Variants in ACVR1 observed in about 807,000 individuals in gnomAD.
The protein encoded by ACVR1 is activin receptor type-1.
A neutral mutation model predicts 57.1 loss-of-function variants in ACVR1; 38 were observed. The ratio of observed to expected loss-of-function variants is 0.67; its 90% CI spans 0.51 to 0.87. The LOEUF (loss-of-function observed/expected upper bound fraction) is 0.87, where lower values mean the gene tolerates loss of function less well. Ranked by LOEUF, ACVR1 falls within the 40% of genes least tolerant of loss-of-function variation. The pLI, the probability that ACVR1 is intolerant of heterozygous loss-of-function variation, is 0.00. For missense variants in ACVR1, 463 were observed against 638.2 expected, an observed-to-expected ratio of 0.73 and a Z score of 2.96; for synonymous variants, 212 against 228.1, an observed-to-expected ratio of 0.93 and a Z score of 0.63.
At chr2:157,756,052 A>C (rs1021303596) in intron 9 of ACVR1, among the ~76,000 whole-genome samples, 4 of 152,104 alleles carry the variant, frequency 2.6e-5, no homozygotes, top group African/African-American at 9.7e-5. Context: ...GCAAAAAAAA[A>C]CATAAAGTGG....
chr2:157,847,280 C>T (rs554216385), intron 1 of ACVR1, among the ~76,000 whole-genome samples: 1 of 152,286 alleles, frequency 6.6e-6, no homozygotes, highest in Admixed American at 6.5e-5. Flanking sequence ...GGGTGTGACT[C>T]CCTAAACTGA....
At chr2:157,800,424 T>C (rs1687282239) in intron 2 of ACVR1, among the ~76,000 whole-genome samples, 1 of 152,126 alleles carries the variant, frequency 6.6e-6, no homozygotes, top group African/African-American at 2.4e-5. Context: ...GCCCAGGAGT[T>C]TGAGACCAGC....
At chr2:157,822,480 G>A (rs1275821304) in intron 1 of ACVR1, among the ~76,000 whole-genome samples, 2 of 152,094 alleles carry the variant, frequency 1.3e-5, no homozygotes, top group Non-Finnish European at 2.9e-5. Flanking sequence ...ATGAGAAATG[G>A]GAATTTCCAG....
chr2:157,749,947 C>T (rs1341540782), intron 9 of ACVR1, among the ~76,000 whole-genome samples: 1 of 152,256 alleles, frequency 6.6e-6, no homozygotes, highest in Admixed American at 6.5e-5. Context: ...TGTGCATCAT[C>T]TGGGTGCCTA....
chr2:157,768,002 G>A (rs1213649492), intron 7 of ACVR1, among the ~76,000 whole-genome samples: 1 of 152,184 alleles, frequency 6.6e-6, no homozygotes, highest in Non-Finnish European at 1.5e-5. Flanking sequence ...CTGTAGGTCT[G>A]ATTCTAGAAC....
chr2:157,814,946 G>C (rs370872647), intron 2 of ACVR1, among the ~76,000 whole-genome samples: 1 of 152,076 alleles, frequency 6.6e-6, no homozygotes, highest in African/African-American at 2.4e-5. Context: ...TTAGCAGGGC[G>C]TGGTGGCGGG....
intron 1 of ACVR1, chr2:157,874,997 AG>A (rs1256817010): frequency 1.0e-3 from 85 of 82,372 alleles, no homozygotes; most frequent in African/African-American, 3.6e-3. Flanking sequence ...TCCAGGGGAA[AG>A]GAGGGGTGGG....
chr2:157,830,566 T>A (rs1284932537), intron 1 of ACVR1, among the ~76,000 whole-genome samples: 1 of 152,186 alleles, frequency 6.6e-6, no homozygotes, highest in African/African-American at 2.4e-5. Context: ...GAAAACAAAG[T>A]ATTCCCTACT....
chr2:157,864,719 T>C (rs1032322959), intron 1 of ACVR1, among the ~76,000 whole-genome samples: 3 of 152,196 alleles, frequency 2.0e-5, no homozygotes, highest in Non-Finnish European at 4.4e-5. Flanking sequence ...AAAAGATCAG[T>C]TCAAAAGATC....
chr2:157,777,350 T>C (rs1010308024), intron 5 of ACVR1, among the ~76,000 whole-genome samples: 5 of 152,334 alleles, frequency 3.3e-5, no homozygotes, highest in African/African-American at 7.2e-5. Flanking sequence ...CTGGTGTGAA[T>C]TGATATATGC....
intron 3 of ACVR1, among the ~76,000 whole-genome samples, chr2:157,787,017 A>T (rs1686736177): frequency 6.6e-6 from 1 of 152,146 alleles, no homozygotes; most frequent in Non-Finnish European, 1.5e-5. Context: ...CCTGCACTTG[A>T]ACTGCTGAAG....
At chr2:157,805,820 CTTTTTTT>C (rs1222482675) in intron 2 of ACVR1, among the ~76,000 whole-genome samples, 5 of 30,178 alleles carry the variant, frequency 1.7e-4, no homozygotes, top group African/African-American at 2.1e-4. Context: ...TTTCTTTTTT[CTTTTTTT>C]TTTTTTTTTT....
intron 1 of ACVR1, among the ~76,000 whole-genome samples, chr2:157,864,933 T>TA (rs1302093298): frequency 6.6e-6 from 1 of 151,848 alleles, no homozygotes; most frequent in Admixed American, 6.6e-5. Flanking sequence ...AATGCCTACT[T>TA]ACCACTCACC....
At chr2:157,795,347 A>G (rs565764807) in intron 3 of ACVR1, among the ~76,000 whole-genome samples, 2 of 150,686 alleles carry the variant, frequency 1.3e-5, no homozygotes, top group Admixed American at 1.3e-4. Context: ...TTTTCCTACT[A>G]AATATATAAA....
At chr2:157,786,229 T>C (rs974729067) in intron 3 of ACVR1, among the ~76,000 whole-genome samples, 1 of 152,238 alleles carries the variant, frequency 6.6e-6, no homozygotes, top group East Asian at 1.9e-4. Flanking sequence ...TGCATGGCTG[T>C]TGAATGTCAC....
chr2:157,816,670 T>C (rs182869142), intron 2 of ACVR1, among the ~76,000 whole-genome samples: 1 of 152,226 alleles, frequency 6.6e-6, no homozygotes, highest in Admixed American at 6.5e-5. Flanking sequence ...TTAAAAAGAA[T>C]GCACCTAACA....
intron 3 of ACVR1, among the ~76,000 whole-genome samples, chr2:157,783,178 T>TA (rs753593808): frequency 1.4e-4 from 22 of 152,252 alleles, no homozygotes; most frequent in Non-Finnish European, 2.4e-4. Context: ...ATGCCAAATT[T>TA]TAAAAAAATA....
intron 1 of ACVR1, among the ~76,000 whole-genome samples, chr2:157,866,073 AAAGTT>A (rs1432312135): frequency 6.6e-6 from 1 of 152,178 alleles, no homozygotes; most frequent in Non-Finnish European, 1.5e-5. Context: ...ACAAAATAAT[AAAGTT>A]ATTTTATTTC....
chr2:157,840,924 G>A (rs1462781260), intron 1 of ACVR1, among the ~76,000 whole-genome samples: 2 of 152,258 alleles, frequency 1.3e-5, no homozygotes, highest in East Asian at 3.8e-4. Context: ...GGCATATTCA[G>A]AACCATGGTG....
Sources: allele counts gnomAD v4.1 joint callset (sites outside exome capture counted in the v4.1 genomes callset), GRCh38; gene constraint gnomAD v4.1.1; transcripts MANE v1.5; gene names NCBI Gene and HGNC (gene_info 2026-07-23, HGNC 2026-07-21).